HERC1: variants seen among roughly 807,000 people sequenced by gnomAD.
HERC1 encodes probable E3 ubiquitin-protein ligase HERC1.
In HERC1, 160 loss-of-function variants were observed where a neutral mutation model predicts 554.3. The ratio of observed to expected loss-of-function variants is 0.29; its 90% confidence interval spans 0.25 to 0.33. HERC1 has a LOEUF of 0.33. Among genes scored for constraint, HERC1 ranks in the 10% least tolerant of loss-of-function variants. HERC1 has a pLI of 1.00. For synonymous variants in HERC1, 2,175 were observed against 2,131.7 expected (o/e 1.02, Z -0.56); for missense variants, 4,919 against 5,918.5 (o/e 0.83, Z 5.54).
In HERC1 at chr15:63,669,713, C is replaced by T. The variant is rs1336659041; in HGVS notation, c.8046-15G>A. 4 of 1,608,940 alleles carry T rather than the reference C, an allele frequency of 2.5e-6. No individual in the cohort carries two copies. In the South Asian group the frequency reaches 4.4e-5, roughly 18 times the overall value. ...AGAACATTTGCCTTTAAGAAAATAACAGTGGTTAGCATAAAAATCCAATTT... is the reference window on the plus strand; with the variant it reads ...AGAACATTTGCCTTTAAGAAAATAATAGTGGTTAGCATAAAAATCCAATTT... On this transcript the variant is annotated splice_polypyrimidine_tract_variant and intron_variant, in intron 39 of 77. Transcript: ENST00000443617.
rs1303264501 is a variant in HERC1 at position 63,615,799 on chromosome 15, A to G, written c.14063T>C (p.Ile4688Thr). The G allele has an allele frequency of 6.2e-7, 1 of 1,604,368 alleles. No homozygotes were observed. The highest frequency in any genetic ancestry group is 8.5e-7 in the Non-Finnish European group (1 of 1,177,040). Residue 4688 changes from isoleucine (I) to threonine (T), a missense_variant, in exon 76 of 78, where the codon ATT becomes ACT. Physicochemically the swap from Ile to Thr is moderately conservative, Grantham distance 89. Around this residue, in one of 11 missense-constraint regions of HERC1, gnomAD observed 284 missense variants for 294.1 expected, o/e 0.97. Transcript: ENST00000443617. ...GTCCATCTCATGAAGTCGATATTCA[A>G]TGGCCCTCTCCACATATTCCTTCCT... is the stretch of plus-strand genomic sequence containing the variant. ...SNRKEYVERA[I>T]EYRLHEMDRQ... is the part of the protein sequence containing the mutation.
chr15:63,678,388 GA>G (rs2071309605), intron 36 of HERC1, 23 bp from the exon 37 acceptor site: 5 of 1,547,626 alleles, frequency 3.2e-6, no homozygotes, highest in Non-Finnish European at 4.3e-6. Context: ...AAAGAGGGTG[GA>G]AAACACATGC....
intron 19 of HERC1, among the ~76,000 whole-genome samples, chr15:63,722,190 T>C (rs963978546): frequency 2.0e-5 from 3 of 152,152 alleles, no homozygotes; most frequent in Non-Finnish European, 4.4e-5. Flanking sequence ...TCTCAAATAA[T>C]ATTAGAAACT....
At chr15:63,641,850 A>G (rs2069078852) in intron 59 of HERC1, among the ~76,000 whole-genome samples, 1 of 152,108 alleles carries the variant, frequency 6.6e-6, no homozygotes, top group East Asian at 1.9e-4. Context: ...GAAATAATAA[A>G]ATTTGTGAAC....
intron 21 of HERC1, among the ~76,000 whole-genome samples, chr15:63,717,584 T>C (rs535154308): frequency 3.9e-5 from 6 of 152,214 alleles, no homozygotes; most frequent in Non-Finnish European, 7.3e-5. Context: ...CCAGGTGAGG[T>C]GGCTCACGCC....
chr15:63,811,110 C>A (rs1406098610), intron 1 of HERC1, among the ~76,000 whole-genome samples: 2 of 151,572 alleles, frequency 1.3e-5, no homozygotes, highest in African/African-American at 4.8e-5. Flanking sequence ...GATCCTGGAC[C>A]CGAAAAAAAC....
In HERC1 at chr15:63,672,479, A is replaced by C; in HGVS notation, c.8045+17T>G. Reference sequence around the variant, plus strand: ...ACAGGCATCAGTATGGCAGACATTAAAGGTCAACTTCTCTACCTGAGAAGA... The same window carrying C: ...ACAGGCATCAGTATGGCAGACATTACAGGTCAACTTCTCTACCTGAGAAGA... On this transcript the variant is annotated intron_variant, in intron 39 of 77. Transcript: ENST00000443617. The C allele has an allele frequency of 6.4e-7, 1 of 1,560,460 alleles. No individual in the cohort carries two copies.
At chr15:63,739,644 G>A (rs560112800) in intron 12 of HERC1, among the ~76,000 whole-genome samples, 2 of 151,862 alleles carry the variant, frequency 1.3e-5, no homozygotes, top group South Asian at 4.2e-4. Context: ...TTCAAGACCA[G>A]CCTGGCCAAC....
chr15:63,666,505 A>G, intron 40 of HERC1, 33 bp from the exon 41 acceptor site: 3 of 1,299,890 alleles, frequency 2.3e-6, no homozygotes, highest in Non-Finnish European at 3.3e-6. Context: ...AAGAACCTAA[A>G]TATCACTAGA....
intron 21 of HERC1, among the ~76,000 whole-genome samples, chr15:63,717,576 A>C (rs568040038): frequency 6.6e-6 from 1 of 152,340 alleles, no homozygotes; most frequent in East Asian, 1.9e-4. Context: ...AGTTTCGGCC[A>C]GGTGAGGTGG....
chr15:63,833,790 CAG>C (rs1567176597), intron 1 of HERC1, 35 bp downstream of exon 1: 2 of 149,582 alleles, frequency 1.3e-5, no homozygotes, highest in African/African-American at 5.0e-5. Flanking sequence ...CACACACACA[CAG>C]GACCAGGAGG....
Position 63,754,612 on chromosome 15 carries a change from A to G in HERC1, c.1667T>C (p.Leu556Ser), listed in dbSNP as rs774547309. 1.2e-6 allele frequency: 2 copies of G among 1,613,578 alleles called. No homozygotes were observed. The highest frequency in any genetic ancestry group is 2.2e-5 in the East Asian group (1 of 44,830). Residue 556 changes from leucine to serine, a missense_variant, in exon 7 of 78, where the codon TTA (leucine) becomes TCA (serine). Leu to Ser is a moderately radical substitution (Grantham distance 145, BLOSUM62 -2). Coordinates refer to ENST00000443617, the MANE Select transcript of HERC1 (RefSeq NM_003922.4). ...GDSNSRNIPT[L>S]VKDISNVGEV... ...TCCTACATTGCTGATGTCTTTTACT[A>G]ATGTTGGAATGTTACGACTATTGCT...
chr15:63,662,417 T>C (rs915390717), intron 44 of HERC1, among the ~76,000 whole-genome samples: 1 of 152,226 alleles, frequency 6.6e-6, no homozygotes, highest in Admixed American at 6.5e-5. Flanking sequence ...ATTCACTTAT[T>C]TATATAGCAG....
rs118110594 is a variant in HERC1 at position 63,679,900 on chromosome 15, T to C, written c.6549+177A>G. Among the ~76,000 whole-genome samples the C allele has an allele frequency of 2.3e-3, 352 of 152,352 alleles. 1 individual carries two copies. The highest frequency in any genetic ancestry group is 3.6e-3 in the Non-Finnish European group (242 of 68,028). The stretch of plus-strand genomic sequence containing the variant: ...ATTGCCAGAACATGAAATAGTGCCT[T>C]AATATTAATATATCGTAAAGTCAAT... On this transcript the variant is annotated intron_variant, in intron 36 of 77. Coordinates refer to ENST00000443617, the MANE Select transcript of HERC1 (RefSeq NM_003922.4).
intron 1 of HERC1, among the ~76,000 whole-genome samples, chr15:63,813,311 G>GACACAC (rs10534978): frequency 0.014 from 1,972 of 139,566 alleles, 20 homozygotes; most frequent in Middle Eastern, 0.043. Context: ...ATCAGAGATG[G>GACACAC]ACACACACAC....
chr15:63,654,014 G>C (rs1247198056), intron 51 of HERC1, 105 bp downstream of exon 51: 7 of 821,940 alleles, frequency 8.5e-6, no homozygotes, highest in East Asian at 4.9e-5. Flanking sequence ...GTGTGAAAGA[G>C]AGTGACACAA....
At chr15:63,806,483 G>C (rs546664710) in intron 1 of HERC1, among the ~76,000 whole-genome samples, 1 of 152,202 alleles carries the variant, frequency 6.6e-6, no homozygotes, top group South Asian at 2.1e-4. Flanking sequence ...TGCCTGGTTT[G>C]TTATTATTTG....
intron 1 of HERC1, among the ~76,000 whole-genome samples, chr15:63,797,282 G>A (rs1482765001): frequency 6.6e-6 from 1 of 152,170 alleles, no homozygotes; most frequent in East Asian, 1.9e-4. Context: ...TATGGCTAGA[G>A]GTCACAAGAC....
At chr15:63,626,231 A>G in intron 70 of HERC1, 77 bp from the exon 71 acceptor site, 1 of 1,431,366 alleles carries the variant, frequency 7.0e-7, no homozygotes. Context: ...AATTTCAAGC[A>G]TACAGAGAAG....
Sources: gnomAD v4.1 joint callset for allele counts (sites outside exome capture counted in the v4.1 genomes callset) on GRCh38, gnomAD v4.1.1 for gene constraint, gnomAD v4.1.1 regional missense constraint, MANE v1.5 for transcripts, NCBI Gene and HGNC (gene_info 2026-07-23, HGNC 2026-07-21) for gene names.